Variants in CCSER1 observed in about 807,000 individuals in gnomAD.
CCSER1 encodes serine-rich coiled-coil domain-containing protein 1.
CCSER1 carries 41 observed loss-of-function variants against 82.0 expected under a neutral mutation model. The ratio of observed to expected loss-of-function variants is 0.50; its 90% CI spans 0.39 to 0.65. The LOEUF is 0.65. Among genes scored for constraint, CCSER1 ranks in the 30% least tolerant of loss-of-function variants. The pLI is 0.00. For synonymous variants in CCSER1, 414 were observed against 383.9 expected, an observed-to-expected ratio of 1.08 and a Z score of -0.92; for missense variants, 1,119 against 1,064.2, an observed-to-expected ratio of 1.05 and a Z score of -0.72.
chr4:90,483,404 A>T (rs1304881491), intron 5 of CCSER1, among the ~76,000 whole-genome samples: 1 of 152,098 alleles, frequency 6.6e-6, no homozygotes, highest in Non-Finnish European at 1.5e-5. Context: ...TGTGAATTTG[A>T]TCCTGTCATT....
chr4:91,258,509 C>T (rs1056741947), intron 10 of CCSER1, among the ~76,000 whole-genome samples: 2 of 151,986 alleles, frequency 1.3e-5, no homozygotes, highest in African/African-American at 4.8e-5. Flanking sequence ...TATTTCATAA[C>T]CTGCATTAGT....
intron 1 of CCSER1, among the ~76,000 whole-genome samples, chr4:90,229,593 A>G (rs1173612606): frequency 6.6e-6 from 1 of 152,134 alleles, no homozygotes; most frequent in Non-Finnish European, 1.5e-5. Flanking sequence ...TAACATCATA[A>G]TGACAGGATC....
rs1243745251 is a variant in CCSER1, at chr4:90,296,057, A to G, written c.-41-12187A>G. ...AAACATATATTTTAAGATGTGTGCT[A>G]TCCTCTTTAAAGTTGTATTTTTGTT... On this transcript the variant is annotated intron_variant, in intron 1 of 10. Transcript: ENST00000509176. 2.0e-5 allele frequency among the ~76,000 whole-genome samples: 3 copies of G among 152,050 alleles called. No individual in the cohort carries two copies. The Admixed American group carries it at 2.0e-4, about 10-fold the overall frequency.
intron 10 of CCSER1, among the ~76,000 whole-genome samples, chr4:91,485,858 A>C (rs1057397525): frequency 2.0e-5 from 3 of 152,276 alleles, no homozygotes; most frequent in East Asian, 1.9e-4. Context: ...AAATATGAAG[A>C]TCATTGCATA....
chr4:90,479,498 G>A (rs1765593851), intron 5 of CCSER1, among the ~76,000 whole-genome samples: 1 of 151,984 alleles, frequency 6.6e-6, no homozygotes, highest in Admixed American at 6.6e-5. Context: ...TTTACATTAG[G>A]TATATCTCCT....
chr4:91,173,018 T>C (rs1009414050), intron 10 of CCSER1, among the ~76,000 whole-genome samples: 1 of 152,174 alleles, frequency 6.6e-6, no homozygotes, highest in South Asian at 2.1e-4. Flanking sequence ...ATTTAGACTA[T>C]TGAAAAACCA....
intron 10 of CCSER1, among the ~76,000 whole-genome samples, chr4:91,230,638 C>A (rs558546857): frequency 1.2e-4 from 18 of 151,620 alleles, no homozygotes; most frequent in Non-Finnish European, 1.6e-4. Flanking sequence ...GGAAAAAAAA[C>A]ACACAAAACA....
rs12498540 is a variant in CCSER1, at chr4:91,358,502, A to T, written c.2218-240070A>T. Among the ~76,000 whole-genome samples the T allele has an allele frequency of 4.0e-5, 6 of 151,156 alleles. No homozygotes were observed. In the South Asian group the frequency reaches 1.3e-3, roughly 32 times the overall value. ...CACACACTTCTACCGTTTATACCAA[A>T]CCAAAATCATGAAATTCAAAATCCA... On this transcript the variant is annotated intron_variant, in intron 10 of 10. Transcript: ENST00000509176.
At chr4:90,412,440 G>A (rs1282190355) in intron 4 of CCSER1, among the ~76,000 whole-genome samples, 3 of 151,048 alleles carry the variant, frequency 2.0e-5, no homozygotes, top group Non-Finnish European at 4.4e-5. Context: ...CGTTGTGCAT[G>A]TGTACCCTAA....
intron 6 of CCSER1, among the ~76,000 whole-genome samples, chr4:90,639,812 G>A (rs1726149254): frequency 6.6e-6 from 1 of 152,104 alleles, no homozygotes; most frequent in Non-Finnish European, 1.5e-5. Context: ...AAATGTATGT[G>A]TCAAGCAGAA....
Position 90,475,634 on chromosome 4 carries a change from C to T in CCSER1, c.1724+7280C>T, listed in dbSNP as rs142871282. Among the ~76,000 whole-genome samples the T allele has an allele frequency of 6.4e-4, 98 of 152,248 alleles. 1 individual carries two copies. The highest frequency in any genetic ancestry group is 6.8e-3 in the Middle Eastern group (2 of 294). ...CCAGAAAACCTCGAGGGTGAAAAAT[C>T]GCTGGCCAGCTGTGAAAGCAGCACC... On this transcript the variant is annotated intron_variant, in intron 5 of 10. Coordinates refer to ENST00000509176, the MANE Select transcript of CCSER1 (RefSeq NM_001145065.2).
At chr4:91,168,291 G>C (rs562230468) in intron 10 of CCSER1, among the ~76,000 whole-genome samples, 1 of 109,498 alleles carries the variant, frequency 9.1e-6, no homozygotes, top group Admixed American at 1.0e-4. Flanking sequence ...CTGCCCGGCC[G>C]CCCCTTCTGG....
chr4:90,953,545 G>A (rs1387481631), intron 9 of CCSER1, among the ~76,000 whole-genome samples: 1 of 151,254 alleles, frequency 6.6e-6, no homozygotes, highest in Non-Finnish European at 1.5e-5. Context: ...TAAATATGAA[G>A]AGGATCAAAC....
At chr4:90,608,936 C>T (rs1055630754) in intron 5 of CCSER1, among the ~76,000 whole-genome samples, 2 of 151,820 alleles carry the variant, frequency 1.3e-5, no homozygotes, top group Non-Finnish European at 2.9e-5. Context: ...AAATCTTCAC[C>T]TTATGATTTT....
rs145120240 is a variant in CCSER1, at chr4:90,699,738, G to A, written c.1933-24176G>A. Reference sequence around the variant, plus strand: ...TGCCATAATCTGTATGTTTGTATCCGTTCAAAATTCATACATTGAAATCTA... The same window carrying A: ...TGCCATAATCTGTATGTTTGTATCCATTCAAAATTCATACATTGAAATCTA... On this transcript the variant is annotated intron_variant, in intron 6 of 10. Transcript: ENST00000509176. Among the ~76,000 whole-genome samples the A allele has an allele frequency of 6.2e-3, 937 of 152,208 alleles. 4 individuals are homozygous for A. The highest frequency in any genetic ancestry group is 0.014 in the Middle Eastern group (4 of 294).
intron 1 of CCSER1, among the ~76,000 whole-genome samples, chr4:90,145,054 C>T (rs773505647): frequency 9.9e-5 from 15 of 151,904 alleles, no homozygotes; most frequent in East Asian, 1.9e-4. Flanking sequence ...CATGATGGCC[C>T]GTAAACTTCC....
At position 91,479,331 on chromosome 4, in the gene CCSER1, CTAAAAT is replaced by C. The variant is rs560569592; in HGVS notation, c.2218-119235_2218-119230del. On this transcript the variant is annotated intron_variant, in intron 10 of 10. Transcript: ENST00000509176. ...TAAAGCTTCTGTACATTAAAAATTC[CTAAAAT>C]TAAAAGATAAACTTCAAATTGGCAT... is the stretch of plus-strand genomic sequence containing the variant. 4.5e-3 allele frequency among the ~76,000 whole-genome samples: 684 copies of C among 151,550 alleles called. 2 individuals carry two copies. Among genetic ancestry groups the C allele is most frequent in the African/African-American group, 0.016 (653 of 41,432 alleles).
At chr4:91,056,596 G>A (rs975843594) in intron 9 of CCSER1, among the ~76,000 whole-genome samples, 3 of 152,112 alleles carry the variant, frequency 2.0e-5, no homozygotes, top group Non-Finnish European at 2.9e-5. Flanking sequence ...GTTGTCTTGG[G>A]TATTAAGTTT....
chr4:90,581,188 A>T (rs1368720226), intron 5 of CCSER1, among the ~76,000 whole-genome samples: 2 of 152,128 alleles, frequency 1.3e-5, no homozygotes, highest in Non-Finnish European at 2.9e-5. Context: ...AGATTGTAAT[A>T]TCTCAAAATT....
Sources: gnomAD v4.1 joint callset for allele counts (sites outside exome capture counted in the v4.1 genomes callset) on GRCh38, gnomAD v4.1.1 for gene constraint, MANE v1.5 for transcripts, NCBI Gene and HGNC (gene_info 2026-07-23, HGNC 2026-07-21) for gene names.